CORO2A: variants seen among roughly 807,000 people sequenced by gnomAD.
CORO2A encodes coronin-2A.
In CORO2A, 47 loss-of-function variants were observed where a neutral mutation model predicts 62.4. The observed-to-expected ratio is 0.75, with a 90% CI of 0.60 to 0.96. The LOEUF (loss-of-function observed/expected upper bound fraction) is 0.96. CORO2A is among the 40% of genes least tolerant of loss of function. The pLI is 0.00. For synonymous variants in CORO2A, 273 were observed against 268.9 expected, an observed-to-expected ratio of 1.02 and a Z score of -0.15; for missense variants, 610 against 684.1, an observed-to-expected ratio of 0.89 and a Z score of 1.21.
In CORO2A at chr9:98,132,197, G is replaced by A; in HGVS notation, c.753C>T (p.Ala251=). 1.2e-6 allele frequency: 2 copies of A among 1,613,986 alleles called. No individual in the cohort carries two copies. The highest frequency in any genetic ancestry group is 1.1e-5 in the South Asian group (1 of 91,090). ...GTSRWNNRQV[A]LWDQDNLSVP... The stretch of plus-strand genomic sequence containing the variant: ...GTGCAGCCCTCACCTGGTCCCACAA[G>A]GCCACCTGCCGGTTGTTCCATCGGG... Residue 251 remains alanine, a synonymous_variant, in exon 6 of 12, where the codon GCC becomes GCT. Transcript: ENST00000375077.
intron 1 of CORO2A, among the ~76,000 whole-genome samples, chr9:98,179,245 G>A (rs1828146512): frequency 6.6e-6 from 1 of 152,196 alleles, no homozygotes; most frequent in African/African-American, 2.4e-5. Context: ...TGAGATCTGG[G>A]ACCGCTAGAG....
Position 98,126,215 on chromosome 9 carries a change from T to C in CORO2A, c.1446+334A>G, listed in dbSNP as rs536988249. ...CACACCCGGCTAATTTTTGTATTTT[T>C]AGTAGAGATGGGGTTTCACTATGTT... On this transcript the variant is annotated intron_variant, in intron 11 of 11. Transcript: ENST00000375077. 2.6e-5 allele frequency among the ~76,000 whole-genome samples: 4 copies of C among 151,642 alleles called. No individual in the cohort carries two copies. The South Asian group carries it at 8.3e-4, about 32-fold the overall frequency.
intron 2 of CORO2A, among the ~76,000 whole-genome samples, chr9:98,141,084 T>C (rs562968956): frequency 7.2e-5 from 11 of 151,946 alleles, no homozygotes; most frequent in Non-Finnish European, 1.5e-4. Flanking sequence ...AAACAAAAAA[T>C]TATACACACA....
chr9:98,183,865 G>T (rs1237769738), intron 1 of CORO2A, among the ~76,000 whole-genome samples: 1 of 152,188 alleles, frequency 6.6e-6, no homozygotes, highest in Non-Finnish European at 1.5e-5. Context: ...GGAGGCTGAG[G>T]CACAAGAATC....
In CORO2A at chr9:98,131,516, G is replaced by A. The variant is rs182958220; in HGVS notation, c.766-457C>T. On this transcript the variant is annotated intron_variant, in intron 6 of 11. Coordinates refer to ENST00000375077, the MANE Select transcript of CORO2A (RefSeq NM_052820.4). ...GATTTTTTGCAGAGATGGGGGTCCT[G>A]CTGTGTAGCTCAGGCTGGTCTCGAA... 2.3e-4 allele frequency among the ~76,000 whole-genome samples: 35 copies of A among 152,002 alleles called. No homozygotes were observed. The East Asian group carries it at 6.2e-3, about 27-fold the overall frequency.
chr9:98,124,797 G>A lies in CORO2A; in HGVS notation c.1555C>T (p.Arg519Trp), dbSNP rs182893587. 8.9e-5 allele frequency: 144 copies of A among 1,611,650 alleles called. No homozygotes were observed. In the East Asian group the frequency reaches 1.2e-3, roughly 13 times the overall value. Residue 519 changes from arginine to tryptophan, a missense_variant, in exon 12 of 12, where the codon CGG (arginine) becomes TGG (tryptophan). Physicochemically the swap from Arg to Trp is moderately radical, Grantham distance 101. Coordinates refer to ENST00000375077, the MANE Select transcript of CORO2A (RefSeq NM_052820.4). ...KQLELEIKNL[R>W]MGSEQL is the part of the protein sequence containing the mutation. ...GCTCAGAGCTGCTCTGAGCCCATCCGCAAGTTTTTGATCTCCAGTTCCAAC... is the reference window on the plus strand; with the variant it reads ...GCTCAGAGCTGCTCTGAGCCCATCCACAAGTTTTTGATCTCCAGTTCCAAC...
intron 1 of CORO2A, among the ~76,000 whole-genome samples, chr9:98,171,394 G>A (rs1828032434): frequency 6.6e-6 from 1 of 152,192 alleles, no homozygotes; most frequent in African/African-American, 2.4e-5. Flanking sequence ...CCCAGAGTCA[G>A]TTCAGCCAAC....
chr9:98,128,732 A>G lies in CORO2A; in HGVS notation c.968-13T>C, dbSNP rs1827364642. 1 of 1,611,194 alleles carries G rather than the reference A, an allele frequency of 6.2e-7. No homozygotes were observed. Among genetic ancestry groups the G allele is most frequent in the Non-Finnish European group, 8.5e-7 (1 of 1,177,450 alleles). ...TTTGGCATGACACCTGAAGGCAGACAGGGAGGGCCAAGAGGTTCTGGCTAG... is the reference window on the plus strand; with the variant it reads ...TTTGGCATGACACCTGAAGGCAGACGGGGAGGGCCAAGAGGTTCTGGCTAG... On this transcript the variant is annotated splice_polypyrimidine_tract_variant and intron_variant, in intron 8 of 11. Coordinates refer to ENST00000375077, the MANE Select transcript of CORO2A (RefSeq NM_052820.4).
intron 11 of CORO2A, among the ~76,000 whole-genome samples, chr9:98,125,179 G>C (rs145602058): frequency 6.6e-6 from 1 of 152,188 alleles, no homozygotes; most frequent in African/African-American, 2.4e-5. Context: ...GAAGTCTGGG[G>C]ATTGGTGTTT....
chr9:98,155,266 G>A (rs1279310090), intron 2 of CORO2A, among the ~76,000 whole-genome samples: 1 of 148,600 alleles, frequency 6.7e-6, no homozygotes, highest in Non-Finnish European at 1.5e-5. Context: ...CTTTTGTCAT[G>A]TTTATTATAT....
At chr9:98,144,886 C>G (rs912708514) in intron 2 of CORO2A, among the ~76,000 whole-genome samples, 1 of 151,848 alleles carries the variant, frequency 6.6e-6, no homozygotes, top group Non-Finnish European at 1.5e-5. Context: ...AAGGCTGGAC[C>G]CAATAGAGAG....
At chr9:98,189,667 C>T (rs1445597675) in intron 1 of CORO2A, among the ~76,000 whole-genome samples, 3 of 151,858 alleles carry the variant, frequency 2.0e-5, no homozygotes, top group Non-Finnish European at 4.4e-5. Context: ...CGGATCGGCC[C>T]AAGGTCACAC....
chr9:98,125,346 G>A (rs1299992043), intron 11 of CORO2A, among the ~76,000 whole-genome samples: 1 of 152,206 alleles, frequency 6.6e-6, no homozygotes. Context: ...CCACTGGAAC[G>A]TTGTGACACC....
chr9:98,153,468 T>G (rs1397235942), intron 2 of CORO2A, among the ~76,000 whole-genome samples: 1 of 150,944 alleles, frequency 6.6e-6, no homozygotes, highest in African/African-American at 2.4e-5. Context: ...AGTGCAGTGG[T>G]GCTTTCATAG....
chr9:98,125,696 A>G (rs1025151898), intron 11 of CORO2A, among the ~76,000 whole-genome samples: 3 of 145,682 alleles, frequency 2.1e-5, no homozygotes, highest in African/African-American at 5.1e-5. Flanking sequence ...CATTTTACAG[A>G]TGGTTTCCCA....
In CORO2A at chr9:98,133,061, G is replaced by T; in HGVS notation, c.625C>A (p.Pro209Thr). ...CKDRKIRVIDPRAGTVLQEAS... is the reference protein window; with the variant it reads ...CKDRKIRVIDTRAGTVLQEAS... ...ACCTGGAGGACGGTCCCTGCTCGGG[G>T]GTCAATAACCCGAATCTTGCGGTCT... Residue 209 changes from proline to threonine, a missense_variant, in exon 5 of 12, where the codon CCC becomes ACC. Coordinates refer to ENST00000375077, the MANE Select transcript of CORO2A (RefSeq NM_052820.4). The T allele has an allele frequency of 6.2e-7, 1 of 1,614,226 alleles. No homozygotes were observed. The highest frequency in any genetic ancestry group is 8.5e-7 in the Non-Finnish European group (1 of 1,180,036).
intron 1 of CORO2A, among the ~76,000 whole-genome samples, chr9:98,191,162 G>A (rs10985365): frequency 0.24 from 35,848 of 152,168 alleles, 4,316 homozygotes; most frequent in African/African-American, 0.25. Flanking sequence ...CCCTCAAACA[G>A]GGCAGGCATC....
intron 11 of CORO2A, among the ~76,000 whole-genome samples, 197 bp downstream of exon 11, chr9:98,126,352 T>G (rs1222416965): frequency 1.3e-5 from 2 of 152,136 alleles, no homozygotes; most frequent in Non-Finnish European, 2.9e-5. Context: ...TCTTTATGTA[T>G]GCCCATCATT....
intron 1 of CORO2A, among the ~76,000 whole-genome samples, chr9:98,191,719 C>T (rs975415774): frequency 6.6e-6 from 1 of 152,196 alleles, no homozygotes; most frequent in African/African-American, 2.4e-5. Flanking sequence ...TGTGCTCTGC[C>T]CCATCCCTTA....
Sources: gnomAD v4.1 joint callset for allele counts (sites outside exome capture counted in the v4.1 genomes callset) on GRCh38, gnomAD v4.1.1 for gene constraint, MANE v1.5 for transcripts, NCBI Gene and HGNC (gene_info 2026-07-23, HGNC 2026-07-21) for gene names.